ABCA3: variants seen among roughly 807,000 people sequenced by gnomAD.
ABCA3 encodes the protein phospholipid-transporting ATPase ABCA3.
Under a neutral mutation model 172.8 loss-of-function variants are expected in ABCA3, and 88 were observed. That is an observed-to-expected ratio of 0.51 (90% confidence interval 0.43 to 0.61). The LOEUF is 0.61. ABCA3 is among the 20% of genes least tolerant of loss of function. The pLI, the probability that ABCA3 is intolerant of heterozygous loss-of-function variation, is 0.00. For missense variants in ABCA3, 2,164 were observed against 2,301.0 expected, an observed-to-expected ratio of 0.94 and a Z score of 1.22; for synonymous variants, 1,066 against 983.8, an observed-to-expected ratio of 1.08 and a Z score of -1.56.
intron 7 of ABCA3, 142 bp from the exon 8 acceptor site, chr16:2,319,982 T>A (rs1355498385): frequency 3.7e-5 from 38 of 1,027,860 alleles, no homozygotes; most frequent in Non-Finnish European, 5.3e-5. Context: ...GGCCGCTCAG[T>A]GGTCCCACGG....
intron 8 of ABCA3, among the ~76,000 whole-genome samples, chr16:2,318,087 G>A (rs1596860434): frequency 6.6e-6 from 1 of 152,212 alleles, no homozygotes; most frequent in East Asian, 1.9e-4. Flanking sequence ...GCTACGTCAG[G>A]CGGCAGGAGC....
intron 7 of ABCA3, among the ~76,000 whole-genome samples, chr16:2,322,025 C>G (rs538446166): frequency 1.3e-5 from 2 of 152,024 alleles, no homozygotes; most frequent in East Asian, 3.9e-4. Context: ...TGGTGAAACC[C>G]CGTCTCTACT....
intron 19 of ABCA3, among the ~76,000 whole-genome samples, chr16:2,291,573 A>G (rs1184350322): frequency 1.3e-5 from 2 of 152,046 alleles, no homozygotes; most frequent in Non-Finnish European, 2.9e-5. Context: ...TGCCAGCTAG[A>G]CCCGTGGCGG....
chr16:2,300,269 G>A, intron 12 of ABCA3, 121 bp from the exon 13 acceptor site: 1 of 1,405,688 alleles, frequency 7.1e-7, no homozygotes, highest in South Asian at 1.2e-5. Flanking sequence ...AGGCACTGCT[G>A]TGGAGAAGGC....
In ABCA3 at chr16:2,285,651, G is replaced by A. The variant is rs762221056; in HGVS notation, c.3279-5C>T. The stretch of plus-strand genomic sequence containing the variant: ...ATGTCGAATCCCTTCCGGCCCCTGC[G>A]GGGGACAGAGAAGGTCAGGGACGGA... On this transcript the variant is annotated splice_polypyrimidine_tract_variant and splice_region_variant and intron_variant, in intron 22 of 32. Coordinates refer to ENST00000301732, the MANE Select transcript of ABCA3 (RefSeq NM_001089.3). This position sits in a 1 kb window ranked among gnomAD's most constrained non-coding sequence, Gnocchi z 4.7. 3.2e-5 allele frequency: 50 copies of A among 1,551,540 alleles called. No homozygotes were observed. The highest frequency in any genetic ancestry group is 2.4e-4 in the South Asian group (20 of 84,040).
rs1334493916 is a variant in ABCA3 at position 2,285,291 on chromosome 16, G to A, written c.3483+151C>T. On this transcript the variant is annotated intron_variant, in intron 23 of 32. Transcript: ENST00000301732. The surrounding 1 kb of genome is among the most constrained non-coding windows in gnomAD (Gnocchi z 4.7). ...GAGGGTGCAGGGAGGAGGCGAGGGG[G>A]CAGCCGCCAGGGGATTCCAGCTGTC... 2 of 995,298 alleles carry A rather than the reference G, an allele frequency of 2.0e-6. No homozygotes were observed. The highest frequency in any genetic ancestry group is 2.0e-5 in the Admixed American group (1 of 50,140). The allele number at this position is 995,298 out of a possible 1,614,324, so 61.7% of individuals were successfully genotyped here.
Position 2,308,552 on chromosome 16 carries a change from G to C in ABCA3, c.1183C>G (p.Arg395Gly). 1 of 1,614,206 alleles carries C rather than the reference G, an allele frequency of 6.2e-7. No individual in the cohort carries two copies. The highest frequency in any genetic ancestry group is 8.5e-7 in the Non-Finnish European group (1 of 1,180,032). Reference protein sequence around the residue: ...TYIPYFFVAPRYNWMTLSQKL... With the variant: ...TYIPYFFVAPGYNWMTLSQKL... ...TGGCTCAGAGTCATCCAGTTGTACC[G>C]AGGGGCCACGAAGAAGTAGGGGATG... Residue 395 changes from arginine to glycine, a missense_variant, in exon 11 of 33, where the codon CGG becomes GGG. Around this residue, in one of 3 missense-constraint regions of ABCA3, gnomAD observed 1,343 missense variants for 1,369.6 expected, o/e 0.98. Transcript: ENST00000301732.
Position 2,319,799 on chromosome 16 carries a change from C to G in ABCA3, c.655G>C (p.Asp219His). ...GCATGGTACTCCATGATGGCCCGGTCCACAGCATGCTGCACGGCCAGGAAG... is the reference window on the plus strand; with the variant it reads ...GCATGGTACTCCATGATGGCCCGGTGCACAGCATGCTGCACGGCCAGGAAG... ...EGFLAVQHAVDRAIMEYHADA... is the reference protein window; with the variant it reads ...EGFLAVQHAVHRAIMEYHADA... The change falls in exon 8 of 33, where the codon GAC (aspartate) becomes CAC (histidine). Residue 219 changes from aspartate to histidine, a missense_variant. By Grantham distance (81) the Asp-to-His change is moderately conservative. Around this residue, in one of 3 missense-constraint regions of ABCA3, gnomAD observed 1,343 missense variants for 1,369.6 expected, o/e 0.98. Transcript: ENST00000301732. The G allele has an allele frequency of 6.2e-7, 1 of 1,614,032 alleles. No individual in the cohort carries two copies. The highest frequency in any genetic ancestry group is 8.5e-7 in the Non-Finnish European group (1 of 1,180,026).
Position 2,297,235 on chromosome 16 carries a change from GCCTGATCTGAGGGC to G in ABCA3, c.2263+80_2263+93del, listed in dbSNP as rs2093681167. The G allele has an allele frequency of 7.1e-7, 1 of 1,417,184 alleles. No homozygotes were observed. The highest frequency in any genetic ancestry group is 9.7e-7 in the Non-Finnish European group (1 of 1,028,648). The allele number at this position is 1,417,184 out of a possible 1,614,324, so 87.8% of individuals were successfully genotyped here. A position where few individuals can be genotyped will look rare whatever the true frequency, so the allele number is the denominator to read the frequency against. ...AGGAAGTCTAGAAAAGGCCACCCCT[GCCTGATCTGAGGGC>G]CCTTCATGAAGGTAGCAGCCATTCC... On this transcript the variant is annotated intron_variant, in intron 17 of 32. Transcript: ENST00000301732. This position sits in a 1 kb window ranked among gnomAD's most constrained non-coding sequence, Gnocchi z 5.6.
At position 2,330,686 on chromosome 16, in the gene ABCA3, G is replaced by A. The variant is rs2093741689; in HGVS notation, c.-538-832C>T. On this transcript the variant is annotated intron_variant, in intron 1 of 32. Transcript: ENST00000301732. ...CCTCCTCATCCTCTCCTGGCTTCTG[G>A]CAACACCACCCTTTTTTTTTTTTTT... Among the ~76,000 whole-genome samples the A allele has an allele frequency of 3.6e-5, 5 of 139,034 alleles. No homozygotes were observed. In the South Asian group the frequency reaches 1.2e-3, roughly 32 times the overall value. 91.2% of individuals were successfully genotyped at this position (139,034 alleles called of 152,430 possible).
intron 17 of ABCA3, among the ~76,000 whole-genome samples, chr16:2,295,947 G>T (rs2093679103): frequency 6.6e-6 from 1 of 152,246 alleles, no homozygotes; most frequent in Admixed American, 6.5e-5. Flanking sequence ...GGGAAGAGCT[G>T]CTGGGGATCT....
At chr16:2,319,393 G>T (rs1180206026) in intron 8 of ABCA3, among the ~76,000 whole-genome samples, 188 bp downstream of exon 8, 1 of 151,774 alleles carries the variant, frequency 6.6e-6, no homozygotes, top group Non-Finnish European at 1.5e-5. Flanking sequence ...GCTGAGGCAG[G>T]AGAATGGCGT....
chr16:2,297,467 G>A lies in ABCA3; in HGVS notation c.2125C>T (p.Arg709Trp), dbSNP rs148671332. 2.2e-3 allele frequency: 3,568 copies of A among 1,613,790 alleles called. 7 individuals carry two copies. Among genetic ancestry groups the A allele is most frequent in the Non-Finnish European group, 2.7e-3 (3,174 of 1,180,026 alleles). ...SRRAIWDLLQ[R>W]QKSDRTIVLT... is the part of the protein sequence containing the mutation. Reference sequence around the variant, plus strand: ...ACGATGGTGCGGTCACTTTTCTGCCGCTGAAGAAGATCCCAGATGGCCCTC... The same window carrying A: ...ACGATGGTGCGGTCACTTTTCTGCCACTGAAGAAGATCCCAGATGGCCCTC... Residue 709 changes from arginine (R) to tryptophan (W), a missense_variant, in exon 17 of 33, where the codon CGG becomes TGG. Coordinates refer to ENST00000301732, the MANE Select transcript of ABCA3 (RefSeq NM_001089.3). The surrounding 1 kb of genome is among the most constrained non-coding windows in gnomAD (Gnocchi z 5.6).
intron 18 of ABCA3, among the ~76,000 whole-genome samples, chr16:2,294,641 C>T (rs1027029068): frequency 6.6e-5 from 10 of 152,216 alleles, no homozygotes; most frequent in African/African-American, 2.4e-4. Context: ...GTTGTGATTG[C>T]ACCACTGCAC....
chr16:2,275,969 C>T lies in ABCA3; in HGVS notation c.*705G>A, dbSNP rs141507206. 24 of 220,838 alleles carry T rather than the reference C, an allele frequency of 1.1e-4. No homozygotes were observed. Among genetic ancestry groups the T allele is most frequent in the Admixed American group, 4.8e-4 (9 of 18,634 alleles). The allele number at this position is 220,838 out of a possible 1,614,324, so 13.7% of individuals were successfully genotyped here. A position where few individuals can be genotyped will look rare whatever the true frequency, so the allele number is the denominator to read the frequency against. ...CACCCAGCCCTTAGGGTGGTCCCTGCGTGTCCTGGGGCGGGCGACTTCCTG... is the reference window on the plus strand; with the variant it reads ...CACCCAGCCCTTAGGGTGGTCCCTGTGTGTCCTGGGGCGGGCGACTTCCTG... On this transcript the variant is annotated 3_prime_UTR_variant, in exon 33 of 33. Coordinates refer to ENST00000301732, the MANE Select transcript of ABCA3 (RefSeq NM_001089.3).
chr16:2,322,835 A>G (rs1240151791), intron 7 of ABCA3, among the ~76,000 whole-genome samples: 1 of 152,118 alleles, frequency 6.6e-6, no homozygotes, highest in Admixed American at 6.6e-5. Flanking sequence ...GCTTCTGCAC[A>G]ACAAAGGAAA....
intron 1 of ABCA3, among the ~76,000 whole-genome samples, chr16:2,333,267 T>G (rs17135888): frequency 0.14 from 21,624 of 152,108 alleles, 4,948 homozygotes; most frequent in African/African-American, 0.48. Flanking sequence ...CTGAGCTTGG[T>G]TACACCTCCC....
rs141601251 is a variant in ABCA3 at position 2,326,053 on chromosome 16, G to T, written c.276C>A (p.Thr92=). ...YIPSHSDAAK[T]VTETVRRALV... is the part of the protein sequence containing the mutation. ...GTGCCCTGCGCACTGTCTCAGTGAC[G>T]GTCTTGGCAGCGTCACTGTGAGAAG... Residue 92 remains threonine (T), a synonymous_variant, in exon 5 of 33, where the codon ACC becomes ACA. Coordinates refer to ENST00000301732, the MANE Select transcript of ABCA3 (RefSeq NM_001089.3). The T allele has an allele frequency of 1.2e-6, 2 of 1,614,090 alleles. No homozygotes were observed. Among genetic ancestry groups the T allele is most frequent in the Non-Finnish European group, 8.5e-7 (1 of 1,180,030 alleles).
Position 2,283,454 on chromosome 16 carries a change from G to A in ABCA3, c.3863-96C>T. 7 of 1,428,110 alleles carry A rather than the reference G, an allele frequency of 4.9e-6. No individual in the cohort carries two copies. Among genetic ancestry groups the A allele is most frequent in the Admixed American group, 2.0e-5 (1 of 49,818 alleles). 88.5% of individuals were successfully genotyped at this position (1,428,110 alleles called of 1,614,324 possible). On this transcript the variant is annotated intron_variant, in intron 25 of 32. Transcript: ENST00000301732. The surrounding 1 kb of genome is among the most constrained non-coding windows in gnomAD (Gnocchi z 5.4). ...CACTCCCCTCCCCAGGCTGCTCAAG[G>A]CGCCTGTAACAATGTCCCCTCCATG...
Sources: gnomAD v4.1 joint callset for allele counts (sites outside exome capture counted in the v4.1 genomes callset) on GRCh38, gnomAD v4.1.1 for gene constraint, gnomAD v4.1.1 regional missense constraint, Gnocchi (gnomAD v3.1) non-coding constraint, MANE v1.5 for transcripts, NCBI Gene and HGNC (gene_info 2026-07-23, HGNC 2026-07-21) for gene names.